Variants in AFDN observed in about 807,000 individuals in gnomAD.
The protein encoded by AFDN is afadin.
In AFDN, 68 loss-of-function variants were observed where a neutral mutation model predicts 216.6. The ratio of observed to expected loss-of-function variants is 0.31; its 90% CI spans 0.26 to 0.38. AFDN has a LOEUF of 0.38. AFDN is among the 10% of genes least tolerant of loss of function. The pLI is 1.00. For synonymous variants in AFDN, 868 were observed against 853.7 expected (o/e 1.02, Z -0.29); for missense variants, 2,136 against 2,342.0 (o/e 0.91, Z 1.82).
At chr6:167,899,224 T>G (rs1424529784) in intron 11 of AFDN, among the ~76,000 whole-genome samples, 8 of 152,110 alleles carry the variant, frequency 5.3e-5, no homozygotes, top group Non-Finnish European at 8.8e-5. Flanking sequence ...ATTAATGTCT[T>G]TCTCCAAGAT....
intron 30 of AFDN, among the ~76,000 whole-genome samples, chr6:167,955,320 G>A (rs1309785653): frequency 2.6e-5 from 4 of 152,008 alleles, no homozygotes; most frequent in East Asian, 1.9e-4. Context: ...TTAGCACAGC[G>A]GTAATAACAC....
intron 31 of AFDN, chr6:167,964,949 T>A (rs549757599): frequency 9.5e-7 from 1 of 1,056,546 alleles, no homozygotes; most frequent in South Asian, 4.6e-5. Context: ...TTTAACACTG[T>A]CAACTGTAGT....
chr6:167,914,682 A>G lies in AFDN; in HGVS notation c.2243A>G (p.Tyr748Cys), dbSNP rs755528958. 8.8e-5 allele frequency: 142 copies of G among 1,613,524 alleles called. 4 individuals carry two copies. In the South Asian group the frequency reaches 1.5e-3, roughly 17 times the overall value. The change falls in exon 18 of 34, where the codon TAC (tyrosine) becomes TGC (cysteine). Residue 748 changes from tyrosine (Y) to cysteine (C), a missense_variant. By Grantham distance (194) the Tyr-to-Cys change is radical. Transcript: ENST00000683244. The part of the protein sequence containing the change: ...VHCLQSELNN[Y>C]MPAFLDDPEE... ...TGTCTTCAATCAGAACTTAATAATT[A>G]CATGCCAGCCTTTCTAGATGACCCT... is the stretch of plus-strand genomic sequence containing the variant.
chr6:167,917,387 A>G (rs944305185), intron 20 of AFDN, among the ~76,000 whole-genome samples, 155 bp downstream of exon 20: 2 of 152,216 alleles, frequency 1.3e-5, no homozygotes, highest in Non-Finnish European at 2.9e-5. Context: ...AGTTCAATGA[A>G]AAAACAGAAA....
At chr6:167,946,104 G>A (rs1795224549) in intron 26 of AFDN, among the ~76,000 whole-genome samples, 1 of 152,174 alleles carries the variant, frequency 6.6e-6, no homozygotes, top group Non-Finnish European at 1.5e-5. Flanking sequence ...GTGTGGTATT[G>A]TCTGCCTTGC....
intron 1 of AFDN, among the ~76,000 whole-genome samples, chr6:167,829,154 A>C (rs1779548647): frequency 6.6e-6 from 1 of 152,254 alleles, no homozygotes; most frequent in South Asian, 2.1e-4. Context: ...ATTTTTAGAA[A>C]TTATTCTTCA....
At chr6:167,851,113 T>G (rs1782256410) in intron 1 of AFDN, among the ~76,000 whole-genome samples, 2 of 152,222 alleles carry the variant, frequency 1.3e-5, no homozygotes, top group African/African-American at 4.8e-5. Context: ...ATATGTATAG[T>G]GCCATTCTAT....
intron 15 of AFDN, 182 bp downstream of exon 15, chr6:167,911,671 T>C: frequency 1.6e-6 from 1 of 608,472 alleles, no homozygotes; most frequent in Non-Finnish European, 2.9e-6. Context: ...CAAGCTTTTT[T>C]CTATTTTGTT....
intron 1 of AFDN, chr6:167,864,214 A>G (rs547865676): frequency 5.7e-6 from 3 of 527,984 alleles, no homozygotes; most frequent in Admixed American, 2.0e-5. Context: ...GGGTTAAATA[A>G]TAGTATCTGT....
chr6:167,898,118 A>G, intron 10 of AFDN, 87 bp from the exon 11 acceptor site: 2 of 1,418,204 alleles, frequency 1.4e-6, no homozygotes, highest in Non-Finnish European at 9.7e-7. Context: ...TATTTGTCAT[A>G]AAAGGGGTAC....
intron 1 of AFDN, among the ~76,000 whole-genome samples, chr6:167,854,512 T>C (rs1456801644): frequency 6.6e-6 from 1 of 152,004 alleles, no homozygotes; most frequent in Non-Finnish European, 1.5e-5. Flanking sequence ...TAGGAAGCTT[T>C]TCTTATTTCT....
intron 21 of AFDN, among the ~76,000 whole-genome samples, chr6:167,922,114 G>A (rs1022645656): frequency 3.9e-5 from 6 of 152,196 alleles, no homozygotes; most frequent in Non-Finnish European, 7.3e-5. Context: ...AAAATGTACC[G>A]AGGATTGTTC....
chr6:167,862,388 T>G (rs1783687281), intron 1 of AFDN, among the ~76,000 whole-genome samples: 2 of 152,102 alleles, frequency 1.3e-5, no homozygotes, highest in Admixed American at 1.3e-4. Context: ...TTGGTTTTTT[T>G]TTTTTTAGAT....
chr6:167,875,241 C>T, intron 4 of AFDN, 94 bp from the exon 5 acceptor site: 1 of 1,174,638 alleles, frequency 8.5e-7, no homozygotes, highest in Non-Finnish European at 1.2e-6. Flanking sequence ...AGCCAAATAG[C>T]ACCTGCCATT....
In AFDN at chr6:167,951,830, G is replaced by A. The variant is rs1392548418; in HGVS notation, c.4476G>A (p.Gln1492=). The A allele has an allele frequency of 1.2e-6, 2 of 1,614,162 alleles. No individual in the cohort carries two copies. The highest frequency in any genetic ancestry group is 1.1e-5 in the South Asian group (1 of 91,078). ...TCATTCGGGAGCTGCAGCCTCAGCA[G>A]CAGCCCCGCACGATCGAGCGCAGAG... ...ETVIRELQPQ[Q]QPRTIERRDL... Residue 1492 remains glutamine, a synonymous_variant, in exon 30 of 34, where the codon CAG becomes CAA. Coordinates refer to ENST00000683244, the MANE Select transcript of AFDN (RefSeq NM_001386888.1). This position sits in a 1 kb window ranked among gnomAD's most constrained non-coding sequence, Gnocchi z 7.1.
intron 1 of AFDN, among the ~76,000 whole-genome samples, chr6:167,829,852 T>C (rs1181710665): frequency 6.6e-6 from 1 of 152,206 alleles, no homozygotes; most frequent in Non-Finnish European, 1.5e-5. Flanking sequence ...TTAAGAAAAC[T>C]AGAGTATGTT....
intron 8 of AFDN, among the ~76,000 whole-genome samples, chr6:167,892,980 A>G (rs1358973742): frequency 6.6e-6 from 1 of 152,182 alleles, no homozygotes; most frequent in East Asian, 1.9e-4. Flanking sequence ...AATGGATACA[A>G]AAGGATTAAG....
chr6:167,913,356 T>C, intron 15 of AFDN, 47 bp from the exon 16 acceptor site: 1 of 1,529,458 alleles, frequency 6.5e-7, no homozygotes, highest in South Asian at 1.2e-5. Context: ...GTTTACAAGT[T>C]TCTTTCTCTC....
intron 17 of AFDN, 96 bp from the exon 18 acceptor site, chr6:167,914,537 TAATGGAAAATA>T: frequency 2.2e-6 from 2 of 906,100 alleles, no homozygotes; most frequent in Admixed American, 5.4e-5. Context: ...ATTTTTTTTT[TAATGGAAAATA>T]TTTTTTAAGA....
Sources: allele counts gnomAD v4.1 joint callset (sites outside exome capture counted in the v4.1 genomes callset), GRCh38; gene constraint gnomAD v4.1.1; non-coding constraint Gnocchi (gnomAD v3.1); transcripts MANE v1.5; gene names NCBI Gene and HGNC (gene_info 2026-07-23, HGNC 2026-07-21).